Variants in NSUN4 observed in about 807,000 individuals in gnomAD.
NSUN4 encodes 5-cytosine rRNA methyltransferase NSUN4.
A neutral mutation model predicts 43.8 loss-of-function variants in NSUN4; 31 were observed. The observed-to-expected ratio is 0.71, with a 90% CI of 0.53 to 0.96. The LOEUF (loss-of-function observed/expected upper bound fraction) is 0.96, where lower values mean the gene tolerates loss of function less well. Among genes scored for constraint, NSUN4 ranks in the 40% least tolerant of loss-of-function variants. The pLI is 0.00. For synonymous variants in NSUN4, 167 were observed against 184.1 expected (o/e 0.91, Z 0.75); for missense variants, 439 against 475.6 (o/e 0.92, Z 0.72).
chr1:46,343,212 G>T, intron 1 of NSUN4: 1 of 388,180 alleles, frequency 2.6e-6, no homozygotes, highest in South Asian at 1.4e-4. Context: ...GCCCCTGTGT[G>T]ACACCTATAG....
In NSUN4 at chr1:46,363,917, C is replaced by A. The variant is rs1302005529; in HGVS notation, c.*2071C>A. 1 of 152,032 alleles carries A rather than the reference C, an allele frequency of 6.6e-6. No homozygotes were observed. The highest frequency in any genetic ancestry group is 1.5e-5 in the Non-Finnish European group (1 of 68,014). The allele number at this position is 152,032 out of a possible 1,614,324, so 9.4% of individuals were successfully genotyped here. A position where few individuals can be genotyped will look rare whatever the true frequency, so the allele number is the denominator to read the frequency against. ...GTTTTTTCTTTTCTATGGAGTTATT[C>A]TTTACATACAATATAGTTCATAAAT... On this transcript the variant is annotated 3_prime_UTR_variant, in exon 6 of 6. Coordinates refer to ENST00000474844, the MANE Select transcript of NSUN4 (RefSeq NM_199044.4).
In NSUN4 at chr1:46,345,049, A is replaced by C. The variant is rs973572570; in HGVS notation, c.342A>C (p.Gln114His). The change falls in exon 2 of 6, where the codon CAA (glutamine) becomes CAC (histidine). Residue 114 changes from glutamine to histidine, a missense_variant. Gln to His is a conservative substitution (Grantham distance 24). Coordinates refer to ENST00000474844, the MANE Select transcript of NSUN4 (RefSeq NM_199044.4). The part of the protein sequence containing the change: ...SHWELQSEGG[Q>H]SAAPSPASWA... ...GGGAACTGCAGTCTGAGGGTGGCCAATCTGCAGCCCCATCCCCTGCCTCCT... is the reference window on the plus strand; with the variant it reads ...GGGAACTGCAGTCTGAGGGTGGCCACTCTGCAGCCCCATCCCCTGCCTCCT... 11 of 1,614,034 alleles carry C rather than the reference A, an allele frequency of 6.8e-6. No homozygotes were observed. Among genetic ancestry groups the C allele is most frequent in the Non-Finnish European group, 9.3e-6 (11 of 1,180,030 alleles).
At chr1:46,376,284 C>G in the NSUN4 span, among the ~76,000 whole-genome samples, 1 of 151,140 alleles carries the variant, frequency 6.6e-6, no homozygotes, top group Non-Finnish European at 1.5e-5. Context: ...TGGTGGGGCA[C>G]CTGTAATTCC....
Position 46,340,906 on chromosome 1 carries a change from A to AAGG in NSUN4, c.80_81insAGG (p.Tyr27delinsTer), listed in dbSNP as rs1662046493. The AAGG allele has an allele frequency of 1.2e-6, 2 of 1,613,230 alleles. No homozygotes were observed. Among genetic ancestry groups the AAGG allele is most frequent in the Non-Finnish European group, 1.7e-6 (2 of 1,179,584 alleles). ...GCGACGGTCCCGCGGAGACATCGAT[A>AAGG]TAAGAAGAAATGGGTAAGGTCCGGC... On this transcript the variant is annotated stop_gained, in exon 1 of 6. Coordinates refer to ENST00000474844, the MANE Select transcript of NSUN4 (RefSeq NM_199044.4). LOFTEE classifies it high-confidence loss of function.
the NSUN4 span, among the ~76,000 whole-genome samples, chr1:46,379,413 T>C: frequency 5.3e-5 from 8 of 152,084 alleles, no homozygotes; most frequent in Admixed American, 2.0e-4. Context: ...TCAAGAGATC[T>C]AGACCATCCT....
the NSUN4 span, among the ~76,000 whole-genome samples, chr1:46,372,847 G>A: frequency 2.0e-5 from 3 of 152,122 alleles, no homozygotes; most frequent in Non-Finnish European, 4.4e-5. Context: ...CTCAGCCTCC[G>A]AAGTAGCTGG....
At chr1:46,348,460 T>G (rs1205284353) in intron 3 of NSUN4, among the ~76,000 whole-genome samples, 1 of 151,972 alleles carries the variant, frequency 6.6e-6, no homozygotes, top group East Asian at 1.9e-4. Context: ...CGCCTATAAT[T>G]CCAGCACTTT....
chr1:46,348,451 G>A (rs1030315257), intron 3 of NSUN4, among the ~76,000 whole-genome samples: 3 of 152,000 alleles, frequency 2.0e-5, no homozygotes, highest in African/African-American at 4.8e-5. Context: ...GGTGGCTCAC[G>A]CCTATAATTC....
downstream of NSUN4, among the ~76,000 whole-genome samples, chr1:46,369,584 T>C (rs968244639): frequency 6.6e-6 from 1 of 152,126 alleles, no homozygotes; most frequent in African/African-American, 2.4e-5. Context: ...GGAAGAGATG[T>C]TTAAACAGAG....
Position 46,340,860 on chromosome 1 carries a change from C to G in NSUN4, c.34C>G (p.Leu12Val). Reference sequence around the variant, plus strand: ...GCTGACACTGAGGGGTGTCCGGGAGCTGCTGAAGCGTGTGGACCTCGCGAC... The same window carrying G: ...GCTGACACTGAGGGGTGTCCGGGAGGTGCTGAAGCGTGTGGACCTCGCGAC... ...AALTLRGVRE[L>V]LKRVDLATVP... is the part of the protein sequence containing the mutation. The change falls in exon 1 of 6, where the codon CTG becomes GTG. Residue 12 changes from leucine (L) to valine (V), a missense_variant. Transcript: ENST00000474844. 1 of 1,613,384 alleles carries G rather than the reference C, an allele frequency of 6.2e-7. No individual in the cohort carries two copies. The highest frequency in any genetic ancestry group is 8.5e-7 in the Non-Finnish European group (1 of 1,179,704).
At chr1:46,371,681 C>A in the NSUN4 span, among the ~76,000 whole-genome samples, 1 of 152,046 alleles carries the variant, frequency 6.6e-6, no homozygotes, top group East Asian at 1.9e-4. Flanking sequence ...ACTTCGTGAT[C>A]CCCCCGCCTC....
the NSUN4 span, among the ~76,000 whole-genome samples, chr1:46,380,169 C>T: frequency 6.6e-6 from 1 of 152,138 alleles, no homozygotes; most frequent in African/African-American, 2.4e-5. Context: ...TTCTTCTCTC[C>T]CTTGGACAGC....
At chr1:46,382,295 T>TA in the NSUN4 span, among the ~76,000 whole-genome samples, 1 of 152,058 alleles carries the variant, frequency 6.6e-6, no homozygotes, top group Non-Finnish European at 1.5e-5. Flanking sequence ...ATACTTTAAG[T>TA]AAAAAAGTCG....
chr1:46,347,859 C>CT (rs112974748), intron 3 of NSUN4, among the ~76,000 whole-genome samples: 43,924 of 142,550 alleles, frequency 0.31, 6,841 homozygotes, highest in South Asian at 0.4. Context: ...TTTTGACTTT[C>CT]TTTTTTTTTT....
At position 46,360,796 on chromosome 1, in the gene NSUN4, G is replaced by C. The variant is rs1244898016; in HGVS notation, c.846G>C (p.Gln282His). 1 of 1,614,064 alleles carries C rather than the reference G, an allele frequency of 6.2e-7. No individual in the cohort carries two copies. Reference sequence around the variant, plus strand: ...AGCGGTCAAGGAAGAAGGAGCGACAGATATTGCCTGTGCTGCAAGTGCAGC... The same window carrying C: ...AGCGGTCAAGGAAGAAGGAGCGACACATATTGCCTGTGCTGCAAGTGCAGC... ...IFKRSRKKER[Q>H]ILPVLQVQLL... Residue 282 changes from glutamine (Q) to histidine (H), a missense_variant, in exon 5 of 6, where the codon CAG becomes CAC. Physicochemically the swap from Gln to His is conservative, Grantham distance 24 (BLOSUM62 0). Transcript: ENST00000474844.
the NSUN4 span, among the ~76,000 whole-genome samples, chr1:46,373,059 A>G: frequency 6.6e-6 from 1 of 152,282 alleles, no homozygotes; most frequent in South Asian, 2.1e-4. Flanking sequence ...TTTAGCTTCC[A>G]TTACCTTGTT....
intron 3 of NSUN4, among the ~76,000 whole-genome samples, chr1:46,348,824 T>TG (rs1235776287): frequency 1.3e-4 from 19 of 143,646 alleles, no homozygotes; most frequent in African/African-American, 3.7e-4. Flanking sequence ...TTTTTTTTTT[T>TG]TTTTTTTTGA....
chr1:46,341,659 C>A, intron 1 of NSUN4: 2 of 1,228,160 alleles, frequency 1.6e-6, no homozygotes, highest in South Asian at 4.3e-5. Flanking sequence ...CCCCCACAAC[C>A]TTCCTCGCAC....
At chr1:46,360,249 A>AAAAAAAAAAATAT (rs1553177947) in intron 4 of NSUN4, among the ~76,000 whole-genome samples, 1 of 25,770 alleles carries the variant, frequency 3.9e-5, no homozygotes, top group African/African-American at 1.3e-4. Flanking sequence ...AAAAAAAAAA[A>AAAAAAAAAAATAT]ATATATATAT....
Sources: gnomAD v4.1 joint callset for allele counts (sites outside exome capture counted in the v4.1 genomes callset) on GRCh38, gnomAD v4.1.1 for gene constraint, MANE v1.5 for transcripts, NCBI Gene and HGNC (gene_info 2026-07-23, HGNC 2026-07-21) for gene names.